The following SLIT1 variants were observed in gnomAD, a reference collection of about 807,000 sequenced individuals.
SLIT1 encodes slit homolog 1 protein.
Under a neutral mutation model 186.1 loss-of-function variants are expected in SLIT1, and 66 were observed. That is an observed-to-expected ratio of 0.35 (90% CI 0.29 to 0.44). SLIT1 has a LOEUF of 0.44. Among genes scored for constraint, SLIT1 ranks in the 20% least tolerant of loss-of-function variants. The pLI, the probability that SLIT1 is intolerant of heterozygous loss-of-function variation, is 1.00. For missense variants in SLIT1, 1,638 were observed against 2,037.4 expected, an observed-to-expected ratio of 0.80 and a Z score of 3.77; for synonymous variants, 761 against 833.8, an observed-to-expected ratio of 0.91 and a Z score of 1.50.
chr10:97,112,840 C>T (rs1417879341), intron 4 of SLIT1, among the ~76,000 whole-genome samples: 6 of 151,808 alleles, frequency 4.0e-5, no homozygotes, highest in African/African-American at 7.3e-5. Flanking sequence ...TCCACAGGAA[C>T]ATGTCACTGT....
In SLIT1 at chr10:97,184,709, T is replaced by G. The variant is rs541004019; in HGVS notation, c.197+769A>C. Among the ~76,000 whole-genome samples the G allele has an allele frequency of 6.6e-6, 1 of 152,304 alleles. No homozygotes were observed. The highest frequency in any genetic ancestry group is 2.1e-4 in the South Asian group (1 of 4,832). ...AATGCTATTTTTTTATTACTTGTCA[T>G]GGTCAATATCTTTAACCTTGGGCCC... On this transcript the variant is annotated intron_variant, in intron 1 of 36. Coordinates refer to ENST00000266058, the MANE Select transcript of SLIT1 (RefSeq NM_003061.3). This position sits in a 1 kb window ranked among gnomAD's most constrained non-coding sequence, Gnocchi z 4.4.
chr10:97,048,581 T>G (rs1042044672), intron 14 of SLIT1, among the ~76,000 whole-genome samples: 29 of 152,334 alleles, frequency 1.9e-4, no homozygotes, highest in South Asian at 4.1e-4. Context: ...GAGGTGGGAC[T>G]GAACTACCAT....
chr10:97,070,907 C>T (rs550551997), intron 4 of SLIT1, among the ~76,000 whole-genome samples: 3 of 152,190 alleles, frequency 2.0e-5, no homozygotes, highest in Non-Finnish European at 4.4e-5. Flanking sequence ...TCACCTTGAA[C>T]TCCTGGGCTC....
At chr10:97,122,016 G>A (rs1283444187) in intron 4 of SLIT1, among the ~76,000 whole-genome samples, 1 of 152,196 alleles carries the variant, frequency 6.6e-6, no homozygotes, top group African/African-American at 2.4e-5. Flanking sequence ...TAGAAAGATT[G>A]AGCCACTGCC....
intron 31 of SLIT1, among the ~76,000 whole-genome samples, chr10:97,009,495 A>G (rs1445396294): frequency 6.6e-6 from 1 of 152,222 alleles, no homozygotes; most frequent in Non-Finnish European, 1.5e-5. Context: ...AAATGGATCA[A>G]TGACCTAAAT....
intron 3 of SLIT1, among the ~76,000 whole-genome samples, chr10:97,162,896 C>T (rs550581150): frequency 1.3e-5 from 2 of 151,988 alleles, no homozygotes; most frequent in Admixed American, 1.3e-4. Context: ...AACTTAAAAG[C>T]CCTATTCAGC....
intron 4 of SLIT1, chr10:97,103,491 G>A (rs1333302132): frequency 6.6e-6 from 1 of 152,150 alleles, no homozygotes; most frequent in Non-Finnish European, 1.5e-5. Flanking sequence ...AAGGCCCCTT[G>A]GTGAGGATTT....
At chr10:97,042,666 C>T (rs1265082426) in intron 20 of SLIT1, among the ~76,000 whole-genome samples, 1 of 152,188 alleles carries the variant, frequency 6.6e-6, no homozygotes, top group Non-Finnish European at 1.5e-5. Flanking sequence ...CTTCTTTTAT[C>T]CATACTTTCC....
intron 18 of SLIT1, among the ~76,000 whole-genome samples, chr10:97,044,652 T>G (rs1342377493): frequency 6.6e-6 from 1 of 151,894 alleles, no homozygotes; most frequent in African/African-American, 2.4e-5. Flanking sequence ...TCTCTGAGAG[T>G]GTGAGTGACT....
Position 97,000,453 on chromosome 10 carries a change from C to T in SLIT1, c.*659G>A, listed in dbSNP as rs1268451139. On this transcript the variant is annotated 3_prime_UTR_variant, in exon 37 of 37. Transcript: ENST00000266058. ...ATGCTAGAACTTTAGGATTCAGAGGCCTGGTCCTAAGAACCACCTCCACCC... is the reference window on the plus strand; with the variant it reads ...ATGCTAGAACTTTAGGATTCAGAGGTCTGGTCCTAAGAACCACCTCCACCC... 1 of 152,470 alleles carries T rather than the reference C, an allele frequency of 6.6e-6. No individual in the cohort carries two copies. Among genetic ancestry groups the T allele is most frequent in the African/African-American group, 2.4e-5 (1 of 41,480 alleles). 9.4% of individuals were successfully genotyped at this position (152,470 alleles called of 1,614,324 possible). A position where few individuals can be genotyped will look rare whatever the true frequency, so the allele number is the denominator to read the frequency against.
rs1589357445 is a variant in SLIT1 at position 96,999,191 on chromosome 10, T to C, written c.*1921A>G. On this transcript the variant is annotated 3_prime_UTR_variant, in exon 37 of 37. Transcript: ENST00000266058. ...GCCCAGGCTGCAGTCTACTTGGGGG[T>C]GGGGGCGGGCATTGTGGCCTTGCTC... 6.8e-6 allele frequency: 1 copy of C among 147,476 alleles called. No individual in the cohort carries two copies. Among genetic ancestry groups the C allele is most frequent in the African/African-American group, 2.5e-5 (1 of 39,914 alleles). The allele number at this position is 147,476 out of a possible 1,614,324, so 9.1% of individuals were successfully genotyped here.
chr10:97,063,376 T>A, intron 8 of SLIT1, 79 bp downstream of exon 8: 1 of 1,503,850 alleles, frequency 6.6e-7, no homozygotes, highest in Non-Finnish European at 9.2e-7. Context: ...CAGGTATTAA[T>A]GTCGAGATTA....
Position 97,185,736 on chromosome 10 carries a change from G to C in SLIT1, c.-62C>G. Reference sequence around the variant, plus strand: ...CAGCAGCCGCTGACCATCCCCGTCCGGGGCCGCCTCCAGGTGCAGTCCCGG... The same window carrying C: ...CAGCAGCCGCTGACCATCCCCGTCCCGGGCCGCCTCCAGGTGCAGTCCCGG... On this transcript the variant is annotated 5_prime_UTR_variant, in exon 1 of 37. Transcript: ENST00000266058. 2.2e-6 allele frequency: 3 copies of C among 1,368,834 alleles called. No homozygotes were observed. The highest frequency in any genetic ancestry group is 2.9e-6 in the Non-Finnish European group (3 of 1,052,006). The allele number at this position is 1,368,834 out of a possible 1,614,324, so 84.8% of individuals were successfully genotyped here.
At chr10:97,057,449 T>C (rs1848851374) in intron 11 of SLIT1, among the ~76,000 whole-genome samples, 168 bp from the exon 12 acceptor site, 2 of 152,262 alleles carry the variant, frequency 1.3e-5, no homozygotes, top group Non-Finnish European at 1.5e-5. Context: ...GACAGTAAAG[T>C]GTCTTAAGAA....
At chr10:97,127,151 C>T (rs917379506) in intron 4 of SLIT1, among the ~76,000 whole-genome samples, 5 of 151,834 alleles carry the variant, frequency 3.3e-5, no homozygotes, top group African/African-American at 7.3e-5. Context: ...AAAAATTAGC[C>T]GGGCATGGTG....
chr10:97,093,513 C>T (rs1037549979), intron 4 of SLIT1, among the ~76,000 whole-genome samples: 4 of 152,268 alleles, frequency 2.6e-5, no homozygotes, highest in Non-Finnish European at 5.9e-5. Context: ...CTGCCTAAAG[C>T]CCATATGAGA....
At chr10:97,153,036 C>T (rs767733171) in intron 4 of SLIT1, 2 of 152,164 alleles carry the variant, frequency 1.3e-5, no homozygotes, top group South Asian at 2.1e-4. Flanking sequence ...AATACAGCAA[C>T]GAACATGTCT....
chr10:97,005,661 G>T (rs879298874), intron 32 of SLIT1, among the ~76,000 whole-genome samples: 4 of 152,254 alleles, frequency 2.6e-5, no homozygotes, highest in Admixed American at 6.5e-5. Flanking sequence ...GCAATGGCTG[G>T]TTAGGGTTTT....
intron 4 of SLIT1, among the ~76,000 whole-genome samples, chr10:97,122,326 TAATA>T (rs1286191138): frequency 3.3e-5 from 5 of 152,226 alleles, no homozygotes; most frequent in Non-Finnish European, 7.3e-5. Flanking sequence ...ACTGAATATC[TAATA>T]GATAGCAAGG....
Sources: allele counts gnomAD v4.1 joint callset (sites outside exome capture counted in the v4.1 genomes callset), GRCh38; gene constraint gnomAD v4.1.1; non-coding constraint Gnocchi (gnomAD v3.1); transcripts MANE v1.5; gene names NCBI Gene and HGNC (gene_info 2026-07-23, HGNC 2026-07-21).